RANBP17: variants seen among roughly 807,000 people sequenced by gnomAD.
RANBP17 encodes the protein ran-binding protein 17.
A neutral mutation model predicts 141.2 loss-of-function variants in RANBP17; 158 were observed. The observed-to-expected ratio is 1.12, with a 90% CI of 0.98 to 1.28. The LOEUF is 1.28. RANBP17 is among the 50% of genes most tolerant of loss of function. RANBP17 has a pLI of 0.00. For synonymous variants in RANBP17, 430 were observed against 450.0 expected (o/e 0.96, Z 0.56); for missense variants, 1,438 against 1,290.7 (o/e 1.11, Z -1.75).
chr5:170,925,324 A>G (rs1386767444), intron 12 of RANBP17, among the ~76,000 whole-genome samples: 1 of 152,150 alleles, frequency 6.6e-6, no homozygotes, highest in Non-Finnish European at 1.5e-5. Context: ...TTATCTGTCC[A>G]TCTTGCGTTA....
chr5:170,983,244 A>G, intron 14 of RANBP17: 1 of 305,994 alleles, frequency 3.3e-6, no homozygotes, highest in Non-Finnish European at 6.2e-6. Flanking sequence ...AGCAGATGGA[A>G]GGTCATAGGT....
At chr5:171,009,013 G>T (rs951330562) in intron 14 of RANBP17, among the ~76,000 whole-genome samples, 4 of 151,938 alleles carry the variant, frequency 2.6e-5, no homozygotes, top group African/African-American at 9.7e-5. Flanking sequence ...TATTTATTTG[G>T]CACTGCTAAA....
At position 170,869,326 on chromosome 5, in the gene RANBP17, T is replaced by TA. The variant is rs1374330536; in HGVS notation, c.18+7275_18+7276insA. On this transcript the variant is annotated intron_variant, in intron 1 of 27. Coordinates refer to ENST00000523189, the MANE Select transcript of RANBP17 (RefSeq NM_022897.5). ...TACTTTTCTAGGGCTCACAACACTT[T>TA]TTTTTTTTTTTTTTTGAGTTGGGAG... is the stretch of plus-strand genomic sequence containing the variant. 2.7e-5 allele frequency among the ~76,000 whole-genome samples: 4 copies of TA among 149,992 alleles called. 1 individual carries two copies. The highest frequency in any genetic ancestry group is 5.9e-5 in the Non-Finnish European group (4 of 67,242).
At chr5:171,062,855 G>A (rs567240211) in intron 14 of RANBP17, among the ~76,000 whole-genome samples, 21 of 151,974 alleles carry the variant, frequency 1.4e-4, no homozygotes, top group Admixed American at 8.5e-4. Flanking sequence ...GGCTTTGTTC[G>A]TTTCTTTTTA....
At chr5:170,984,367 C>G (rs1359692954) in intron 14 of RANBP17, among the ~76,000 whole-genome samples, 1 of 152,156 alleles carries the variant, frequency 6.6e-6, no homozygotes, top group Non-Finnish European at 1.5e-5. Flanking sequence ...TGGCTCACCC[C>G]TGTAATCCTA....
intron 23 of RANBP17, 79 bp downstream of exon 23, chr5:171,241,221 A>G: frequency 9.6e-7 from 1 of 1,041,974 alleles, no homozygotes; most frequent in South Asian, 1.5e-5. Flanking sequence ...GTTATAATGA[A>G]GCCCAGGGAG....
chr5:171,130,089 A>G (rs1032262700), intron 14 of RANBP17, among the ~76,000 whole-genome samples: 1 of 152,212 alleles, frequency 6.6e-6, no homozygotes, highest in Non-Finnish European at 1.5e-5. Flanking sequence ...AATTCACAGT[A>G]ATAGGTATTC....
At chr5:171,123,425 A>G (rs1389011021) in intron 14 of RANBP17, among the ~76,000 whole-genome samples, 1 of 152,194 alleles carries the variant, frequency 6.6e-6, no homozygotes, top group Non-Finnish European at 1.5e-5. Context: ...GCACACATGT[A>G]TGTCATTTGG....
intron 5 of RANBP17, 82 bp from the exon 6 acceptor site, chr5:170,909,579 T>C (rs1029064362): frequency 2.4e-5 from 2 of 84,108 alleles, no homozygotes; most frequent in Non-Finnish European, 3.8e-5. Flanking sequence ...GTTTATTTCC[T>C]TTTTTTTTTT....
intron 14 of RANBP17, among the ~76,000 whole-genome samples, chr5:170,988,146 A>G (rs973346637): frequency 6.6e-6 from 1 of 151,336 alleles, no homozygotes; most frequent in Middle Eastern, 3.2e-3. Context: ...CTTTTTTTCT[A>G]CTTACTTTTA....
At chr5:171,163,141 A>G (rs1644247123) in intron 14 of RANBP17, among the ~76,000 whole-genome samples, 2 of 152,174 alleles carry the variant, frequency 1.3e-5, no homozygotes, top group South Asian at 4.1e-4. Context: ...AACATAAATT[A>G]TGGTTTTAAA....
intron 14 of RANBP17, among the ~76,000 whole-genome samples, chr5:170,975,104 A>C (rs940037685): frequency 3.9e-5 from 6 of 152,216 alleles, no homozygotes; most frequent in African/African-American, 1.4e-4. Flanking sequence ...CAATATGGAA[A>C]GGCTGATAAT....
chr5:170,875,796 G>C (rs1768129027), intron 1 of RANBP17, among the ~76,000 whole-genome samples: 2 of 152,124 alleles, frequency 1.3e-5, no homozygotes, highest in Admixed American at 1.3e-4. Context: ...TTCCTGGAGA[G>C]GTGTTGCTAT....
At chr5:171,067,467 A>G (rs1360445421) in intron 14 of RANBP17, among the ~76,000 whole-genome samples, 1 of 152,170 alleles carries the variant, frequency 6.6e-6, no homozygotes, top group Non-Finnish European at 1.5e-5. Context: ...CTTTTATCAG[A>G]GATCTCTATT....
At chr5:171,062,644 T>C (rs1162579889) in intron 14 of RANBP17, among the ~76,000 whole-genome samples, 1 of 152,116 alleles carries the variant, frequency 6.6e-6, no homozygotes, top group East Asian at 1.9e-4. Context: ...TGTCTTGGAG[T>C]TGCTCTTCTC....
chr5:170,883,344 G>A (rs551914455), intron 3 of RANBP17, among the ~76,000 whole-genome samples: 3 of 152,272 alleles, frequency 2.0e-5, no homozygotes, highest in South Asian at 2.1e-4. Context: ...GAGGACTTCC[G>A]TATAGTCCCT....
At chr5:171,282,809 A>G (rs1767936548) in intron 25 of RANBP17, among the ~76,000 whole-genome samples, 3 of 152,090 alleles carry the variant, frequency 2.0e-5, no homozygotes, top group Admixed American at 6.6e-5. Flanking sequence ...GAAAAATCAG[A>G]TGGCCCAGAC....
At position 171,201,237 on chromosome 5, in the gene RANBP17, T is replaced by G. The variant is rs372811969; in HGVS notation, c.2142+1464T>G. Among the ~76,000 whole-genome samples, 7 of 152,342 alleles carry G rather than the reference T, an allele frequency of 4.6e-5. No homozygotes were observed. The East Asian group carries it at 1.2e-3, about 25-fold the overall frequency. ...CTTAACGACCCTGGAAAGTGACTGC[T>G]TGATTACACTTTAACGGTATTTGCA... On this transcript the variant is annotated intron_variant, in intron 19 of 27. Transcript: ENST00000523189.
intron 14 of RANBP17, among the ~76,000 whole-genome samples, chr5:171,073,450 T>G (rs1784741408): frequency 6.6e-6 from 1 of 152,128 alleles, no homozygotes; most frequent in Non-Finnish European, 1.5e-5. Context: ...GTGAACATAT[T>G]GTGGGTGTTT....
Sources: gnomAD v4.1 joint callset for allele counts (sites outside exome capture counted in the v4.1 genomes callset) on GRCh38, gnomAD v4.1.1 for gene constraint, MANE v1.5 for transcripts, NCBI Gene and HGNC (gene_info 2026-07-23, HGNC 2026-07-21) for gene names.